NAV2: variants seen among roughly 807,000 people sequenced by gnomAD.
NAV2 encodes neuron navigator 2.
Under a neutral mutation model 223.2 loss-of-function variants are expected in NAV2, and 54 were observed. That is an observed-to-expected ratio of 0.24 (90% CI 0.19 to 0.30). The LOEUF is 0.30. Among genes scored for constraint, NAV2 ranks in the 10% least tolerant of loss-of-function variants. The pLI is 1.00. For synonymous variants in NAV2, 1,279 were observed against 1,239.3 expected (o/e 1.03, Z -0.67); for missense variants, 2,806 against 3,147.5 (o/e 0.89, Z 2.60).
chr11:19,539,173 C>T (rs558887820), intron 1 of NAV2, among the ~76,000 whole-genome samples: 12 of 152,312 alleles, frequency 7.9e-5, no homozygotes, highest in African/African-American at 2.6e-4. Context: ...AGCCTCATTA[C>T]GATCAGTTAG....
intron 6 of NAV2, among the ~76,000 whole-genome samples, chr11:19,892,873 A>G (rs1368128158): frequency 1.3e-5 from 2 of 152,232 alleles, no homozygotes; most frequent in African/African-American, 2.4e-5. Context: ...AGCATTTGGA[A>G]TTTGAAAATA....
At chr11:19,543,785 C>G (rs2044405600) in intron 1 of NAV2, among the ~76,000 whole-genome samples, 1 of 152,216 alleles carries the variant, frequency 6.6e-6, no homozygotes, top group South Asian at 2.1e-4. Context: ...ACTTGGCTAA[C>G]TCTGAGGCTG....
intron 1 of NAV2, among the ~76,000 whole-genome samples, chr11:19,614,162 T>G (rs1259808137): frequency 5.9e-5 from 9 of 152,104 alleles, no homozygotes; most frequent in Non-Finnish European, 1.5e-5. Flanking sequence ...AGCACAACTT[T>G]CTTAAAATGA....
At chr11:19,762,405 C>G (rs1386159965) in intron 1 of NAV2, among the ~76,000 whole-genome samples, 1 of 152,190 alleles carries the variant, frequency 6.6e-6, no homozygotes, top group Non-Finnish European at 1.5e-5. Context: ...AAGTTCTTCT[C>G]CAGCATGTTT....
At chr11:19,485,377 A>G (rs1039587669) in intron 1 of NAV2, among the ~76,000 whole-genome samples, 1 of 152,162 alleles carries the variant, frequency 6.6e-6, no homozygotes, top group African/African-American at 2.4e-5. Flanking sequence ...GTGAGAGAAT[A>G]GAGAATCAGA....
At chr11:19,776,340 C>G (rs191605389) in intron 1 of NAV2, among the ~76,000 whole-genome samples, 200 of 152,198 alleles carry the variant, frequency 1.3e-3, no homozygotes, top group African/African-American at 4.3e-3. Flanking sequence ...TGGGGAGGTC[C>G]CCAGTCCTCA....
chr11:19,727,380 G>A (rs1453838101), intron 1 of NAV2, among the ~76,000 whole-genome samples: 1 of 152,210 alleles, frequency 6.6e-6, no homozygotes, highest in Non-Finnish European at 1.5e-5. Flanking sequence ...AACTCCCACA[G>A]TCCTTTGCTG....
chr11:19,780,071 T>C (rs2056612684), intron 1 of NAV2, among the ~76,000 whole-genome samples: 1 of 152,244 alleles, frequency 6.6e-6, no homozygotes. Context: ...TCATGTTCTA[T>C]TTTAAGGCTA....
intron 10 of NAV2, among the ~76,000 whole-genome samples, chr11:19,976,169 T>A (rs1359221637): frequency 2.0e-5 from 3 of 152,182 alleles, no homozygotes; most frequent in Non-Finnish European, 4.4e-5. Context: ...GGTCCAGTGC[T>A]TCTTTTTCTT....
At chr11:19,714,932 C>T (rs1428097824) in intron 1 of NAV2, among the ~76,000 whole-genome samples, 1 of 152,148 alleles carries the variant, frequency 6.6e-6, no homozygotes, top group Non-Finnish European at 1.5e-5. Context: ...GCCGACCTGA[C>T]GGATGTGACT....
chr11:20,052,796 T>C (rs2058095150), intron 17 of NAV2, among the ~76,000 whole-genome samples: 1 of 152,166 alleles, frequency 6.6e-6, no homozygotes, highest in African/African-American at 2.4e-5. Context: ...TCCATACACA[T>C]GAACATCCAG....
At chr11:19,352,434 T>A (rs1475529185) in intron 1 of NAV2, among the ~76,000 whole-genome samples, 2 of 152,216 alleles carry the variant, frequency 1.3e-5, no homozygotes, top group East Asian at 3.8e-4. Flanking sequence ...TATGATGGCT[T>A]CTTTTTGGCT....
intron 1 of NAV2, among the ~76,000 whole-genome samples, chr11:19,745,298 T>A (rs1000491424): frequency 1.3e-5 from 2 of 152,266 alleles, no homozygotes; most frequent in African/African-American, 4.8e-5. Flanking sequence ...ATTTTATGAC[T>A]GCATTTGCAA....
At chr11:19,668,354 G>A (rs904851939) in intron 1 of NAV2, among the ~76,000 whole-genome samples, 9 of 151,880 alleles carry the variant, frequency 5.9e-5, no homozygotes, top group Non-Finnish European at 1.2e-4. Flanking sequence ...CCAACATGGC[G>A]AAACCTCACC....
intron 1 of NAV2, among the ~76,000 whole-genome samples, chr11:19,759,510 A>G (rs558660785): frequency 4.3e-4 from 65 of 152,306 alleles, no homozygotes; most frequent in African/African-American, 1.5e-3. Context: ...TTCTGGGAAA[A>G]AAACAAAAAC....
intron 1 of NAV2, among the ~76,000 whole-genome samples, chr11:19,808,901 C>T (rs1427419093): frequency 6.6e-6 from 1 of 152,224 alleles, no homozygotes; most frequent in Non-Finnish European, 1.5e-5. Context: ...CAATGTCTTA[C>T]ATCAAGTAAA....
At chr11:19,965,889 T>C (rs929681276) in intron 10 of NAV2, among the ~76,000 whole-genome samples, 3 of 152,202 alleles carry the variant, frequency 2.0e-5, no homozygotes, top group Middle Eastern at 6.3e-3. Context: ...GGCATTGACT[T>C]GATAGCTGAA....
chr11:19,925,954 G>C lies in NAV2; in HGVS notation c.932-7222G>C, dbSNP rs139251216. Among the ~76,000 whole-genome samples the C allele has an allele frequency of 3.0e-3, 451 of 152,206 alleles. 12 individuals carry two copies. The South Asian group carries it at 0.056, about 19-fold the overall frequency. On this transcript the variant is annotated intron_variant, in intron 6 of 37. Transcript: ENST00000349880. ...GGTCTATATGTCTGTCTTTATGATA[G>C]TACCACACTTTTAAAAAATTACTTT... is the stretch of plus-strand genomic sequence containing the variant.
Position 19,713,527 on chromosome 11 carries a change from G to T in NAV2, c.-169G>T. On this transcript the variant is annotated 5_prime_UTR_variant, in exon 1 of 38. Coordinates refer to ENST00000349880, the MANE Select transcript of NAV2 (RefSeq NM_145117.5). The surrounding 1 kb of genome is among the most constrained non-coding windows in gnomAD (Gnocchi z 7.2). ...ATCCCGGCACCCCAAAGGCGCGCTCGCCCGATTGCTTCGAGTTCCCCGACC... is the reference window on the plus strand; with the variant it reads ...ATCCCGGCACCCCAAAGGCGCGCTCTCCCGATTGCTTCGAGTTCCCCGACC... The T allele has an allele frequency of 1.4e-6, 2 of 1,394,944 alleles. No individual in the cohort carries two copies. Among genetic ancestry groups the T allele is most frequent in the Non-Finnish European group, 1.9e-6 (2 of 1,078,956 alleles). The allele number at this position is 1,394,944 out of a possible 1,614,324, so 86.4% of individuals were successfully genotyped here.
Sources: allele counts gnomAD v4.1 joint callset (sites outside exome capture counted in the v4.1 genomes callset), GRCh38; gene constraint gnomAD v4.1.1; non-coding constraint Gnocchi (gnomAD v3.1); transcripts MANE v1.5; gene names NCBI Gene and HGNC (gene_info 2026-07-23, HGNC 2026-07-21).